NUDT11: variants seen among roughly 807,000 people sequenced by gnomAD.
The protein encoded by NUDT11 is nudix hydrolase 11, also known as diphosphoinositol polyphosphate phosphohydrolase 3-beta.
Under a neutral mutation model 10.0 loss-of-function variants are expected in NUDT11, and 1 was observed. The observed-to-expected ratio is 0.10, with a 90% CI of 0.04 to 0.47. NUDT11 has a LOEUF of 0.47. NUDT11 is among the 20% of genes least tolerant of loss of function. The pLI is 0.96. For synonymous variants in NUDT11, 63 were observed against 65.9 expected, an observed-to-expected ratio of 0.96 and a Z score of 0.21; for missense variants, 47 against 140.4, an observed-to-expected ratio of 0.33 and a Z score of 3.36.
In NUDT11 at chrX:51,496,578, G is replaced by A; in HGVS notation, c.-134C>T. Reference sequence around the variant, plus strand: ...GGCCGAGGCGAGGGGCGGGGAAAGAGAGGCGCCTCCGTCTGCCCGCGAGCC... The same window carrying A: ...GGCCGAGGCGAGGGGCGGGGAAAGAAAGGCGCCTCCGTCTGCCCGCGAGCC... On this transcript the variant is annotated 5_prime_UTR_variant, in exon 1 of 2. Transcript: ENST00000375992. 3.8e-6 allele frequency: 4 copies of A among 1,042,256 alleles called. No individual in the cohort carries two copies. The highest frequency in any genetic ancestry group is 2.5e-5 in the South Asian group (1 of 39,858). The allele number at this position is 1,042,256 out of a possible 1,213,427, so 85.9% of individuals were successfully genotyped here. A position where few individuals can be genotyped will look rare whatever the true frequency, so the allele number is the denominator to read the frequency against.
In NUDT11 at chrX:51,496,337, C is replaced by T. The variant is rs1163857125; in HGVS notation, c.108G>A (p.Val36=). ...RSEREDEVLL[V]SSSRYPDRWI... The stretch of plus-strand genomic sequence containing the variant: ...AGCGGTCCGGGTACCGGCTGCTACT[C>T]ACTAACAGGACCTCGTCCTCGCGTT... Residue 36 remains valine, a synonymous_variant, in exon 1 of 2, where the codon GTG becomes GTA. Coordinates refer to ENST00000375992, the MANE Select transcript of NUDT11 (RefSeq NM_018159.4). 6 of 1,208,726 alleles carry T rather than the reference C, an allele frequency of 5.0e-6. No individual in the cohort carries two copies. The African/African-American group carries it at 1.0e-4, about 21-fold the overall frequency.
At chrX:51,494,651 A>C (rs2146660364) in intron 1 of NUDT11, among the ~76,000 whole-genome samples, 1 of 111,414 alleles carries the variant, frequency 9.0e-6, no homozygotes, top group Admixed American at 9.5e-5. Flanking sequence ...CGGTTTCAAA[A>C]GGAACTTTTC....
chrX:51,492,726 T>G (rs1317327220), intron 1 of NUDT11, among the ~76,000 whole-genome samples: 1 of 111,945 alleles, frequency 8.9e-6, no homozygotes, highest in Non-Finnish European at 1.9e-5. Flanking sequence ...GTCAGCATAG[T>G]AACTTCCACT....
At chrX:51,493,522 A>G (rs1359426468) in intron 1 of NUDT11, among the ~76,000 whole-genome samples, 2 of 112,016 alleles carry the variant, frequency 1.8e-5, no homozygotes, top group African/African-American at 6.5e-5. Context: ...CTTATAACAC[A>G]TTTAAGTATA....
chrX:51,494,417 G>C (rs1434653816), intron 1 of NUDT11, among the ~76,000 whole-genome samples: 1 of 111,964 alleles, frequency 8.9e-6, no homozygotes, highest in Non-Finnish European at 1.9e-5. Context: ...AAACAGATTT[G>C]TACTTTGTTT....
chrX:51,495,951 T>C lies in NUDT11; in HGVS notation c.494A>G (p.Ter165=). Residue 165 remains the stop codon, a splice_region_variant and stop_retained_variant, in exon 1 of 2, where the codon TAA becomes TGA. Coordinates refer to ENST00000375992, the MANE Select transcript of NUDT11 (RefSeq NM_018159.4). ...CTGCGCGAGCGCAAGCGGTACATAC[T>C]AGGGATCGCTATCTGGCGAGGATGG... ...MAPSSPDSDP[*] is the part of the protein sequence containing the mutation. 2 of 1,207,901 alleles carry C rather than the reference T, an allele frequency of 1.7e-6. No individual in the cohort carries two copies. The highest frequency in any genetic ancestry group is 2.2e-6 in the Non-Finnish European group (2 of 892,912).
At chrX:51,495,805 G>T in intron 1 of NUDT11, 146 bp downstream of exon 1, 1 of 903,969 alleles carries the variant, frequency 1.1e-6, no homozygotes, top group Non-Finnish European at 1.5e-6. Flanking sequence ...CAGTTTGCAA[G>T]CGTGATTCAG....
At chrX:51,491,998 C>A (rs1925604235) in intron 1 of NUDT11, among the ~76,000 whole-genome samples, 1 of 111,753 alleles carries the variant, frequency 8.9e-6, no homozygotes, top group Non-Finnish European at 1.9e-5. Flanking sequence ...GAGGAGTGAC[C>A]ATTTAAGACA....
At chrX:51,494,893 T>C (rs1487454979) in intron 1 of NUDT11, among the ~76,000 whole-genome samples, 10 of 112,000 alleles carry the variant, frequency 8.9e-5, no homozygotes, top group Non-Finnish European at 1.5e-4. Context: ...GTAATCACCA[T>C]AAAAGATTCC....
chrX:51,493,814 A>G (rs1172476519), intron 1 of NUDT11, among the ~76,000 whole-genome samples: 1 of 111,890 alleles, frequency 8.9e-6, no homozygotes, highest in Non-Finnish European at 1.9e-5. Context: ...GAGGGTTACT[A>G]TGAATGCTGT....
At chrX:51,495,034 G>A (rs1925670045) in intron 1 of NUDT11, among the ~76,000 whole-genome samples, 1 of 111,692 alleles carries the variant, frequency 9.0e-6, no homozygotes, top group African/African-American at 3.3e-5. Flanking sequence ...TCCAGTAAGG[G>A]GCAATGGGAG....
At chrX:51,495,382 A>G (rs1925677062) in intron 1 of NUDT11, among the ~76,000 whole-genome samples, 1 of 111,747 alleles carries the variant, frequency 8.9e-6, no homozygotes, top group Non-Finnish European at 1.9e-5. Flanking sequence ...CCACCACAGA[A>G]GGCCTCCCTG....
chrX:51,492,498 A>AG (rs1278564261), intron 1 of NUDT11, among the ~76,000 whole-genome samples: 3 of 110,575 alleles, frequency 2.7e-5, no homozygotes, highest in Non-Finnish European at 5.7e-5. Flanking sequence ...AAGGTATTAC[A>AG]GGCACGTGCC....
In NUDT11 at chrX:51,496,063, C is replaced by T; in HGVS notation, c.382G>A (p.Val128Ile). 1 of 1,211,188 alleles carries T rather than the reference C, an allele frequency of 8.3e-7. No individual in the cohort carries two copies. The highest frequency in any genetic ancestry group is 1.1e-6 in the Non-Finnish European group (1 of 894,955). ...EWFKVEDAIKVLQCHKPVHAE... is the reference protein window; with the variant it reads ...EWFKVEDAIKILQCHKPVHAE... ...TGCACGGGCTTGTGGCACTGGAGAA[C>T]CTTGATGGCATCTTCGACTTTGAAC... is the stretch of plus-strand genomic sequence containing the variant. Residue 128 changes from valine (V) to isoleucine (I), a missense_variant, in exon 1 of 2, where the codon GTT (valine) becomes ATT (isoleucine). Val to Ile is a conservative substitution (Grantham distance 29, BLOSUM62 3). Transcript: ENST00000375992.
chrX:51,495,425 T>A (rs1925678622), intron 1 of NUDT11, among the ~76,000 whole-genome samples: 1 of 111,063 alleles, frequency 9.0e-6, no homozygotes, highest in South Asian at 3.8e-4. Flanking sequence ...AGGAGAAAAC[T>A]AAAGGGGAAA....
At chrX:51,493,981 C>T (rs1439171833) in intron 1 of NUDT11, among the ~76,000 whole-genome samples, 2 of 111,722 alleles carry the variant, frequency 1.8e-5, no homozygotes, top group African/African-American at 6.5e-5. Context: ...CCATAAAATA[C>T]AATCTAGTAT....
chrX:51,496,067 G>C lies in NUDT11; in HGVS notation c.378C>G (p.Ile126Met), dbSNP rs1569553021. Residue 126 changes from isoleucine to methionine, a missense_variant, in exon 1 of 2, where the codon ATC (isoleucine) becomes ATG (methionine). Ile to Met is a conservative substitution (Grantham distance 10). Transcript: ENST00000375992. Reference sequence around the variant, plus strand: ...CGGGCTTGTGGCACTGGAGAACCTTGATGGCATCTTCGACTTTGAACCACT... The same window carrying C: ...CGGGCTTGTGGCACTGGAGAACCTTCATGGCATCTTCGACTTTGAACCACT... ...KREWFKVEDAIKVLQCHKPVH... is the reference protein window; with the variant it reads ...KREWFKVEDAMKVLQCHKPVH... 38 of 1,209,337 alleles carry C rather than the reference G, an allele frequency of 3.1e-5. No homozygotes were observed. The highest frequency in any genetic ancestry group is 4.4e-5 in the Admixed American group (2 of 45,876).
chrX:51,492,565 G>C (rs1334747185), intron 1 of NUDT11, among the ~76,000 whole-genome samples: 1 of 110,704 alleles, frequency 9.0e-6, no homozygotes, highest in Non-Finnish European at 1.9e-5. Context: ...AGTAGAGTTG[G>C]GGTTTCGCCA....
intron 1 of NUDT11, among the ~76,000 whole-genome samples, chrX:51,494,268 G>C (rs2146660163): frequency 8.9e-6 from 1 of 111,849 alleles, no homozygotes; most frequent in African/African-American, 3.2e-5. Flanking sequence ...GTATCACTTT[G>C]TTAAGAGAAA....
Sources: gnomAD v4.1 joint callset for allele counts (sites outside exome capture counted in the v4.1 genomes callset) on GRCh38, gnomAD v4.1.1 for gene constraint, MANE v1.5 for transcripts, NCBI Gene and HGNC (gene_info 2026-07-23, HGNC 2026-07-21) for gene names.